Variants in DMD observed in about 807,000 individuals in gnomAD.
DMD encodes the protein dystrophin.
A neutral mutation model predicts 330.1 loss-of-function variants in DMD; 63 were observed. That is an observed-to-expected ratio of 0.19 (90% confidence interval 0.16 to 0.24). The LOEUF (loss-of-function observed/expected upper bound fraction) is 0.24. DMD is among the 10% of genes least tolerant of loss of function. The pLI, the probability that DMD is intolerant of heterozygous loss-of-function variation, is 1.00. For missense variants in DMD, 3,344 were observed against 2,684.1 expected, an observed-to-expected ratio of 1.25 and a Z score of -5.43; for synonymous variants, 1,223 against 959.8, an observed-to-expected ratio of 1.27 and a Z score of -5.07.
rs1464839283 is a variant in DMD, at chrX:32,362,912, G to A, written c.5201C>T (p.Thr1734Ile). The change falls in exon 37 of 79, where the codon ACA becomes ATA. Residue 1734 changes from threonine to isoleucine, a missense_variant. Thr to Ile is a moderately conservative substitution (Grantham distance 89, BLOSUM62 -1). Coordinates refer to ENST00000357033, the MANE Select transcript of DMD (RefSeq NM_004006.3). ...LNDIRPKVDS[T>I]RDQAANLMAN... The stretch of plus-strand genomic sequence containing the variant: ...CATCAAGTTTGCTGCTTGGTCACGT[G>A]TAGAGTCCACCTTTGGGCGTATGTC... 1.7e-6 allele frequency: 2 copies of A among 1,208,893 alleles called. No homozygotes were observed. Among genetic ancestry groups the A allele is most frequent in the African/African-American group, 3.5e-5 (2 of 56,906 alleles).
intron 52 of DMD, among the ~76,000 whole-genome samples, chrX:31,690,971 G>T (rs1252319573): frequency 9.1e-6 from 1 of 110,354 alleles, no homozygotes; most frequent in Non-Finnish European, 1.9e-5. Flanking sequence ...CCTGTCGTGG[G>T]GTGAGGGGAC....
chrX:32,110,378 A>AT (rs935546917), intron 44 of DMD, among the ~76,000 whole-genome samples: 2 of 112,170 alleles, frequency 1.8e-5, no homozygotes, highest in Non-Finnish European at 3.8e-5. Flanking sequence ...CAGTAAAAAA[A>AT]GAATGAGAAT....
At chrX:32,725,921 C>A (rs967728359) in intron 7 of DMD, among the ~76,000 whole-genome samples, 1 of 110,873 alleles carries the variant, frequency 9.0e-6, no homozygotes, top group African/African-American at 3.3e-5. Context: ...ATGCCTTTAT[C>A]AAAGTATCTC....
At chrX:32,032,159 A>G (rs1349438730) in intron 44 of DMD, among the ~76,000 whole-genome samples, 2 of 111,639 alleles carry the variant, frequency 1.8e-5, no homozygotes, top group Non-Finnish European at 3.8e-5. Context: ...AATTAAATTG[A>G]TTGAAGATAT....
intron 1 of DMD, among the ~76,000 whole-genome samples, chrX:33,304,654 C>T (rs1239254509): frequency 1.1e-4 from 11 of 103,126 alleles, no homozygotes; most frequent in African/African-American, 3.2e-4. Context: ...AGAAAATTTT[C>T]GCAACCTACT....
chrX:32,391,775 G>A (rs925985879), intron 30 of DMD, among the ~76,000 whole-genome samples: 4 of 111,758 alleles, frequency 3.6e-5, no homozygotes, highest in African/African-American at 1.3e-4. Flanking sequence ...GCAGGGTGGA[G>A]TGATGCTTGT....
chrX:32,742,990 G>A (rs1400684708), intron 7 of DMD, among the ~76,000 whole-genome samples: 1 of 111,296 alleles, frequency 9.0e-6, no homozygotes, highest in African/African-American at 3.3e-5. Context: ...AACCCCATTA[G>A]GCTGGTGCTG....
intron 43 of DMD, among the ~76,000 whole-genome samples, chrX:32,263,534 T>C: frequency 8.9e-6 from 1 of 112,424 alleles, no homozygotes; most frequent in Non-Finnish European, 1.9e-5. Context: ...ATGATACAGG[T>C]AACATATATG....
At chrX:32,176,144 T>G (rs1398322614) in intron 44 of DMD, among the ~76,000 whole-genome samples, 1 of 112,302 alleles carries the variant, frequency 8.9e-6, no homozygotes, top group Non-Finnish European at 1.9e-5. Context: ...CCATCAGTTC[T>G]TCTTCAAAAT....
chrX:32,522,291 C>A (rs971172484), intron 17 of DMD, among the ~76,000 whole-genome samples: 1 of 111,955 alleles, frequency 8.9e-6, no homozygotes, highest in African/African-American at 3.2e-5. Flanking sequence ...TAGCTTTTCA[C>A]TTGGCCTCTG....
At chrX:32,284,318 T>C (rs2097431392) in intron 43 of DMD, among the ~76,000 whole-genome samples, 1 of 111,926 alleles carries the variant, frequency 8.9e-6, no homozygotes, top group African/African-American at 3.2e-5. Context: ...AGGGATCTTG[T>C]TCTTGCCCTC....
chrX:33,219,306 T>TTGTG (rs56332488), intron 1 of DMD, among the ~76,000 whole-genome samples: 9,660 of 72,790 alleles, frequency 0.13, 843 homozygotes, highest in Non-Finnish European at 0.18. Flanking sequence ...TTAGAGATTA[T>TTGTG]TGTGTGTGTG....
chrX:32,435,359 G>A (rs2098256895), intron 29 of DMD, among the ~76,000 whole-genome samples: 1 of 101,232 alleles, frequency 9.9e-6, no homozygotes, highest in Non-Finnish European at 2.0e-5. Context: ...ATATCATCTA[G>A]TCAAAATAAA....
intron 59 of DMD, among the ~76,000 whole-genome samples, chrX:31,476,896 C>T (rs972702849): frequency 1.8e-5 from 2 of 111,431 alleles, no homozygotes; most frequent in African/African-American, 6.5e-5. Flanking sequence ...TCTGAGGTAA[C>T]ATGAGCCATC....
chrX:32,124,114 A>T (rs1234009720), intron 44 of DMD, among the ~76,000 whole-genome samples: 1 of 112,056 alleles, frequency 8.9e-6, no homozygotes, highest in Non-Finnish European at 1.9e-5. Flanking sequence ...GGAAATATCT[A>T]ATATAATGAT....
intron 12 of DMD, among the ~76,000 whole-genome samples, chrX:32,602,178 A>T (rs1235062702): frequency 8.9e-6 from 1 of 111,949 alleles, no homozygotes; most frequent in Non-Finnish European, 1.9e-5. Context: ...AGTAGGTTCA[A>T]ACTACCTCAT....
chrX:31,784,562 C>A (rs964273660), intron 50 of DMD, among the ~76,000 whole-genome samples: 2 of 112,060 alleles, frequency 1.8e-5, no homozygotes, highest in African/African-American at 6.5e-5. Flanking sequence ...TTACTAAGGT[C>A]TAACTTGTAA....
At chrX:32,736,135 C>G (rs762256336) in intron 7 of DMD, among the ~76,000 whole-genome samples, 2 of 112,257 alleles carry the variant, frequency 1.8e-5, no homozygotes, top group South Asian at 7.4e-4. Flanking sequence ...CAAAAGAAGA[C>G]ATTTATGCAG....
intron 54 of DMD, among the ~76,000 whole-genome samples, chrX:31,647,098 T>C (rs1019131744): frequency 7.1e-5 from 8 of 112,299 alleles, no homozygotes; most frequent in African/African-American, 2.6e-4. Context: ...TGGCTCCTGA[T>C]ACTCTTGTCT....
Sources: gnomAD v4.1 joint callset for allele counts (sites outside exome capture counted in the v4.1 genomes callset) on GRCh38, gnomAD v4.1.1 for gene constraint, MANE v1.5 for transcripts, NCBI Gene and HGNC (gene_info 2026-07-23, HGNC 2026-07-21) for gene names.